Variants in CNTN4 observed in about 807,000 individuals in gnomAD.
CNTN4 encodes contactin 4.
CNTN4 carries 77 observed loss-of-function variants against 122.5 expected under a neutral mutation model. That is an observed-to-expected ratio of 0.63 (90% CI 0.52 to 0.76). CNTN4 has a LOEUF of 0.76. Ranked by LOEUF, CNTN4 falls within the 30% of genes least tolerant of loss-of-function variation. The pLI, the probability that CNTN4 is intolerant of heterozygous loss-of-function variation, is 0.00. For missense variants in CNTN4, 1,256 were observed against 1,259.1 expected (o/e 1.00, Z 0.04); for synonymous variants, 512 against 447.0 (o/e 1.15, Z -1.83).
At chr3:2,382,064 T>C (rs1230048100) in intron 3 of CNTN4, among the ~76,000 whole-genome samples, 2 of 152,188 alleles carry the variant, frequency 1.3e-5, no homozygotes, top group African/African-American at 4.8e-5. Flanking sequence ...GGCTCTGTGA[T>C]GTCTGCTAGA....
intron 2 of CNTN4, among the ~76,000 whole-genome samples, chr3:2,159,871 C>T (rs1337032062): frequency 6.6e-6 from 1 of 151,278 alleles, no homozygotes; most frequent in Admixed American, 6.6e-5. Flanking sequence ...ACAAACCTTG[C>T]CCTCATTTCT....
At chr3:2,603,727 A>G (rs771687035) in intron 4 of CNTN4, among the ~76,000 whole-genome samples, 2 of 152,190 alleles carry the variant, frequency 1.3e-5, no homozygotes, top group African/African-American at 2.4e-5. Flanking sequence ...TTACTTCTTC[A>G]ACAAAGCTCT....
At chr3:2,218,344 T>C (rs773971648) in intron 2 of CNTN4, among the ~76,000 whole-genome samples, 1 of 152,128 alleles carries the variant, frequency 6.6e-6, no homozygotes, top group Non-Finnish European at 1.5e-5. Context: ...TATATACTAT[T>C]TTACCACTTT....
chr3:2,650,500 G>T (rs552676692), intron 4 of CNTN4, among the ~76,000 whole-genome samples: 1 of 152,184 alleles, frequency 6.6e-6, no homozygotes, highest in Non-Finnish European at 1.5e-5. Flanking sequence ...AGTTTGAAAA[G>T]AATTCCTACT....
chr3:2,286,962 T>G (rs1166235840), intron 2 of CNTN4, among the ~76,000 whole-genome samples: 1 of 152,204 alleles, frequency 6.6e-6, no homozygotes, highest in Non-Finnish European at 1.5e-5. Flanking sequence ...ATTAAGCGTT[T>G]GTAGGTAGAA....
At chr3:2,970,532 G>A (rs954381924) in intron 13 of CNTN4, among the ~76,000 whole-genome samples, 2 of 149,396 alleles carry the variant, frequency 1.3e-5, no homozygotes, top group Admixed American at 6.7e-5. Context: ...CTGCAGCCTC[G>A]ACCTGCTGGG....
intron 3 of CNTN4, among the ~76,000 whole-genome samples, chr3:2,507,597 T>C (rs1173846963): frequency 1.3e-5 from 2 of 151,346 alleles, no homozygotes; most frequent in African/African-American, 4.9e-5. Context: ...TAGCCAGGCA[T>C]AGTGGCAGGC....
intron 3 of CNTN4, among the ~76,000 whole-genome samples, chr3:2,560,250 C>T (rs1238403093): frequency 6.6e-6 from 1 of 151,816 alleles, no homozygotes; most frequent in Non-Finnish European, 1.5e-5. Flanking sequence ...AGGTGATTCT[C>T]CCACCTCAGC....
chr3:2,362,774 T>C, intron 3 of CNTN4: 1 of 201,262 alleles, frequency 5.0e-6, no homozygotes, highest in Non-Finnish European at 1.0e-5. Flanking sequence ...ACCCTAGACC[T>C]GGGTGCTTGG....
intron 2 of CNTN4, among the ~76,000 whole-genome samples, chr3:2,112,344 C>T (rs2033027052): frequency 6.6e-6 from 1 of 152,104 alleles, no homozygotes. Context: ...ATTTGTAATA[C>T]TGACAGTACT....
intron 4 of CNTN4, among the ~76,000 whole-genome samples, chr3:2,573,646 C>T (rs1289964473): frequency 3.3e-5 from 5 of 152,174 alleles, no homozygotes; most frequent in African/African-American, 1.2e-4. Context: ...AGCCACTACT[C>T]TCTTCAGTAG....
chr3:2,108,948 T>C (rs1380646086), intron 2 of CNTN4, among the ~76,000 whole-genome samples: 1 of 152,162 alleles, frequency 6.6e-6, no homozygotes, highest in Non-Finnish European at 1.5e-5. Flanking sequence ...AAAATACAAT[T>C]ACACTCAGAG....
intron 3 of CNTN4, among the ~76,000 whole-genome samples, chr3:2,523,935 ACCTT>A (rs2077310071): frequency 6.6e-6 from 1 of 152,172 alleles, no homozygotes; most frequent in African/African-American, 2.4e-5. Context: ...AGATTGGAAA[ACCTT>A]AAGGGAAATT....
intron 7 of CNTN4, among the ~76,000 whole-genome samples, chr3:2,864,950 A>G (rs1278526678): frequency 6.6e-6 from 1 of 152,032 alleles, no homozygotes; most frequent in Admixed American, 6.6e-5. Context: ...ATAGATTACT[A>G]GGTTTGCTTG....
intron 3 of CNTN4, among the ~76,000 whole-genome samples, chr3:2,441,762 G>A (rs566410666): frequency 7.7e-4 from 117 of 152,268 alleles, no homozygotes; most frequent in Non-Finnish European, 1.3e-3. Flanking sequence ...AAGGACACTG[G>A]CAACGTGAGG....
chr3:2,748,151 A>G (rs1033508265), intron 6 of CNTN4, among the ~76,000 whole-genome samples: 1 of 152,224 alleles, frequency 6.6e-6, no homozygotes, highest in Admixed American at 6.5e-5. Context: ...GTAGTATCTC[A>G]TGATGTGAAC....
intron 2 of CNTN4, among the ~76,000 whole-genome samples, chr3:2,206,823 T>C (rs1362899036): frequency 6.6e-6 from 1 of 151,936 alleles, no homozygotes; most frequent in African/African-American, 2.4e-5. Context: ...AGAAATACAA[T>C]ACAGGGATAC....
intron 2 of CNTN4, among the ~76,000 whole-genome samples, chr3:2,289,497 ATGT>A (rs1309813209): frequency 2.0e-5 from 3 of 152,234 alleles, no homozygotes; most frequent in African/African-American, 7.2e-5. Flanking sequence ...CACATTTATG[ATGT>A]TCATTAAACG....
chr3:2,359,696 C>T (rs1283047422), intron 3 of CNTN4, among the ~76,000 whole-genome samples: 2 of 152,034 alleles, frequency 1.3e-5, no homozygotes, highest in South Asian at 2.1e-4. Flanking sequence ...CCCACCACCA[C>T]GCCCTGCTAA....
Sources: allele counts gnomAD v4.1 joint callset (sites outside exome capture counted in the v4.1 genomes callset), GRCh38; gene constraint gnomAD v4.1.1; transcripts MANE v1.5; gene names NCBI Gene and HGNC (gene_info 2026-07-23, HGNC 2026-07-21).